Variants in PUM1 observed in about 807,000 individuals in gnomAD.
PUM1 encodes pumilio homolog 1.
A neutral mutation model predicts 131.8 loss-of-function variants in PUM1; 13 were observed. The observed-to-expected ratio is 0.10, with a 90% CI of 0.06 to 0.16. The LOEUF (loss-of-function observed/expected upper bound fraction) is 0.16. Among genes scored for constraint, PUM1 ranks in the 10% least tolerant of loss-of-function variants. The pLI, the probability that PUM1 is intolerant of heterozygous loss-of-function variation, is 1.00. For synonymous variants in PUM1, 509 were observed against 556.5 expected (o/e 0.91, Z 1.20); for missense variants, 961 against 1,512.4 (o/e 0.64, Z 6.05).
intron 2 of PUM1, among the ~76,000 whole-genome samples, chr1:31,029,632 A>C (rs1278828464): frequency 6.6e-6 from 1 of 152,232 alleles, no homozygotes; most frequent in Non-Finnish European, 1.5e-5. Context: ...AGCAGCAAGC[A>C]TGTCTCTGCT....
chr1:30,945,519 GC>G (rs765376519), intron 17 of PUM1, 36 bp from the exon 18 acceptor site: 19 of 1,611,340 alleles, frequency 1.2e-5, no homozygotes, highest in Admixed American at 1.7e-5. Context: ...CAGAATCACA[GC>G]AAGCAAACAT....
Position 31,035,651 on chromosome 1 carries a change from T to C in PUM1, c.364-6787A>G, listed in dbSNP as rs772448545. On this transcript the variant is annotated intron_variant, in intron 2 of 21. Transcript: ENST00000426105. ...CTGTAATCCCAGCTACTCAGGAGGCTGAGGCAGGAGAATTGCTTGAACCTG... is the reference window on the plus strand; with the variant it reads ...CTGTAATCCCAGCTACTCAGGAGGCCGAGGCAGGAGAATTGCTTGAACCTG... Among the ~76,000 whole-genome samples the C allele has an allele frequency of 1.2e-3, 176 of 152,006 alleles. 2 individuals are homozygous for C. The highest frequency in any genetic ancestry group is 3.1e-3 in the Admixed American group (48 of 15,276).
intron 7 of PUM1, among the ~76,000 whole-genome samples, chr1:30,986,998 T>C (rs767906501): frequency 1.0e-3 from 157 of 152,292 alleles, no homozygotes; most frequent in African/African-American, 2.8e-3. Context: ...TTTCAGAATA[T>C]TGAATCTTTG....
chr1:30,974,303 T>A (rs1450487893), intron 10 of PUM1, among the ~76,000 whole-genome samples: 3 of 152,168 alleles, frequency 2.0e-5, no homozygotes, highest in African/African-American at 7.2e-5. Flanking sequence ...TCAAGCCCCT[T>A]GCAAAACCCT....
chr1:31,028,823 A>G lies in PUM1; in HGVS notation c.405T>C (p.Leu135=). ...CTCCCATCGCTCTTCCCTCCAGAGCAAGTGCTTGAAAATCATGATTCAGTT... is the reference window on the plus strand; with the variant it reads ...CTCCCATCGCTCTTCCCTCCAGAGCGAGTGCTTGAAAATCATGATTCAGTT... The part of the protein sequence containing the change: ...MDELNHDFQA[L]ALEGRAMGEQ... The change falls in exon 3 of 22, where the codon CTT becomes CTC. Residue 135 remains leucine (L), a synonymous_variant. Transcript: ENST00000426105. The G allele has an allele frequency of 1.4e-5, 23 of 1,614,030 alleles. No individual in the cohort carries two copies. The highest frequency in any genetic ancestry group is 1.9e-5 in the Non-Finnish European group (23 of 1,179,920).
At chr1:30,999,032 G>A (rs768184609) in intron 5 of PUM1, among the ~76,000 whole-genome samples, 3 of 151,992 alleles carry the variant, frequency 2.0e-5, no homozygotes, top group Non-Finnish European at 4.4e-5. Context: ...ACAGGGTCTC[G>A]CTCTTTCACC....
At chr1:31,061,214 C>A (rs1644359954) in intron 1 of PUM1, among the ~76,000 whole-genome samples, 1 of 152,118 alleles carries the variant, frequency 6.6e-6, no homozygotes, top group African/African-American at 2.4e-5. Context: ...ATCCCAGCAC[C>A]TTCGGAGACT....
chr1:31,013,032 T>C lies in PUM1; in HGVS notation c.433-5930A>G, dbSNP rs146065519. On this transcript the variant is annotated intron_variant, in intron 3 of 21. Transcript: ENST00000426105. Reference sequence around the variant, plus strand: ...CTGAAACAGTAAACAAAAAATCAGCTACTATCCTTCTTTAAAAGAGCAAAG... The same window carrying C: ...CTGAAACAGTAAACAAAAAATCAGCCACTATCCTTCTTTAAAAGAGCAAAG... 8.0e-4 allele frequency among the ~76,000 whole-genome samples: 122 copies of C among 152,332 alleles called. 1 individual carries two copies. The highest frequency in any genetic ancestry group is 2.7e-3 in the African/African-American group (114 of 41,578).
intron 3 of PUM1, among the ~76,000 whole-genome samples, chr1:31,007,795 C>G (rs1642445642): frequency 6.6e-6 from 1 of 152,220 alleles, no homozygotes; most frequent in African/African-American, 2.4e-5. Context: ...ACAGGGATCG[C>G]TGGCCATAAG....
At chr1:31,048,011 C>T (rs573753673) in intron 2 of PUM1, among the ~76,000 whole-genome samples, 5 of 151,584 alleles carry the variant, frequency 3.3e-5, no homozygotes, top group African/African-American at 7.3e-5. Flanking sequence ...GAGGCCGAGG[C>T]GGGTGGATCA....
Position 30,968,459 on chromosome 1 carries a change from T to A in PUM1, c.1540A>T (p.Thr514Ser). The A allele has an allele frequency of 6.3e-7, 1 of 1,593,628 alleles. No individual in the cohort carries two copies. Among genetic ancestry groups the A allele is most frequent in the East Asian group, 2.3e-5 (1 of 44,316 alleles). ...LRGGASQRPL[T>S]PNQNQQGQQT... ...TGTCCCTGCTGGTTCTGGTTTGGGG[T>A]CAAAGGACGTTGGCTGGCTCCTCCA... is the stretch of plus-strand genomic sequence containing the variant. Residue 514 changes from threonine (T) to serine (S), a missense_variant, in exon 11 of 22, where the codon ACC (threonine) becomes TCC (serine). Coordinates refer to ENST00000426105, the MANE Select transcript of PUM1 (RefSeq NM_001020658.2).
chr1:31,006,170 T>C (rs1642395893), intron 4 of PUM1, 139 bp from the exon 5 acceptor site: 3 of 584,420 alleles, frequency 5.1e-6, no homozygotes, highest in African/African-American at 3.7e-5. Context: ...TGTCCCTCAC[T>C]GTATGATATT....
chr1:31,041,820 G>C (rs748899024), intron 2 of PUM1, among the ~76,000 whole-genome samples: 1 of 151,824 alleles, frequency 6.6e-6, no homozygotes, highest in Non-Finnish European at 1.5e-5. Flanking sequence ...AAATTGCCCA[G>C]TCTCCTATAT....
rs371441953 is a variant in PUM1 at position 30,992,380 on chromosome 1, C to G, written c.1158+10G>C. On this transcript the variant is annotated intron_variant, in intron 7 of 21. Transcript: ENST00000426105. ...GAGAGTAGAGAGGGTGACAGAGACA[C>G]ACACAGTACCTGTTGTTGAGAATTG... 3.8e-5 allele frequency: 61 copies of G among 1,611,396 alleles called. No individual in the cohort carries two copies. In the African/African-American group the frequency reaches 7.3e-4, roughly 19 times the overall value.
At chr1:31,001,133 G>A (rs142277517) in intron 5 of PUM1, among the ~76,000 whole-genome samples, 48 of 152,176 alleles carry the variant, frequency 3.2e-4, no homozygotes, top group African/African-American at 1.1e-3. Context: ...GCAGTGAGCC[G>A]AGATTGCGCC....
At position 30,932,658 on chromosome 1, in the gene PUM1, TA is replaced by T. The variant is rs1210053130; in HGVS notation, c.*552del. ...TTTTCATTATATATATATATATATA[TA>T]TATATATTTTTTATAAACAGTGTTA... is the stretch of plus-strand genomic sequence containing the variant. On this transcript the variant is annotated 3_prime_UTR_variant, in exon 22 of 22. Coordinates refer to ENST00000426105, the MANE Select transcript of PUM1 (RefSeq NM_001020658.2). 3.3e-3 allele frequency: 492 copies of T among 147,380 alleles called. 3 individuals are homozygous for T. The highest frequency in any genetic ancestry group is 0.023 in the East Asian group (120 of 5,110). 9.1% of individuals were successfully genotyped at this position (147,380 alleles called of 1,614,324 possible).
intron 3 of PUM1, among the ~76,000 whole-genome samples, chr1:31,011,261 T>C (rs1281048243): frequency 6.6e-6 from 1 of 151,954 alleles, no homozygotes; most frequent in Non-Finnish European, 1.5e-5. Context: ...AATAACACTG[T>C]TGTGAATATG....
chr1:30,969,749 C>G (rs1321567528), intron 10 of PUM1, among the ~76,000 whole-genome samples: 1 of 152,024 alleles, frequency 6.6e-6, no homozygotes, highest in Non-Finnish European at 1.5e-5. Flanking sequence ...TCACTGTAAC[C>G]CCTGCATCCC....
chr1:31,065,073 T>G (rs1570388452), intron 1 of PUM1, among the ~76,000 whole-genome samples: 1 of 152,006 alleles, frequency 6.6e-6, no homozygotes, highest in Non-Finnish European at 1.5e-5. Flanking sequence ...GATCGCCACT[T>G]CTCCACATTT....
Sources: allele counts gnomAD v4.1 joint callset (sites outside exome capture counted in the v4.1 genomes callset), GRCh38; gene constraint gnomAD v4.1.1; transcripts MANE v1.5; gene names NCBI Gene and HGNC (gene_info 2026-07-23, HGNC 2026-07-21).